The following RALYL variants were observed in gnomAD, a reference collection of about 807,000 sequenced individuals.
RALYL encodes the protein RALY RNA binding protein like, also known as RNA-binding Raly-like protein.
RALYL carries 29 observed loss-of-function variants against 35.1 expected under a neutral mutation model. The ratio of observed to expected loss-of-function variants is 0.83; its 90% CI spans 0.61 to 1.13. The LOEUF (loss-of-function observed/expected upper bound fraction) is 1.13. Ranked by LOEUF, RALYL falls within the 50% of genes most tolerant of loss-of-function variation. The probability of loss-of-function intolerance (pLI) is 0.00; values close to 1 mark genes in which losing one functional copy is unlikely to be tolerated. For synonymous variants in RALYL, 120 were observed against 127.6 expected (o/e 0.94, Z 0.40); for missense variants, 359 against 360.4 (o/e 1.00, Z 0.03).
chr8:84,827,007 G>C (rs892811289), intron 4 of RALYL, among the ~76,000 whole-genome samples: 1 of 151,928 alleles, frequency 6.6e-6, no homozygotes, highest in Non-Finnish European at 1.5e-5. Flanking sequence ...ATAGGAAAAT[G>C]TATCTACATT....
chr8:84,504,935 C>A (rs1164766749), intron 1 of RALYL, among the ~76,000 whole-genome samples: 4 of 152,106 alleles, frequency 2.6e-5, no homozygotes, highest in Non-Finnish European at 4.4e-5. Context: ...GCTACGCCCG[C>A]ACCCCTATTT....
intron 2 of RALYL, among the ~76,000 whole-genome samples, chr8:84,609,178 G>A (rs1817779887): frequency 6.6e-6 from 1 of 152,166 alleles, no homozygotes; most frequent in Non-Finnish European, 1.5e-5. Context: ...ACACAATCTT[G>A]AGGTTCTATA....
At chr8:84,660,717 T>C (rs916396818) in intron 2 of RALYL, among the ~76,000 whole-genome samples, 1 of 151,978 alleles carries the variant, frequency 6.6e-6, no homozygotes, top group African/African-American at 2.4e-5. Flanking sequence ...CACTTTGATA[T>C]TGTTATCAAA....
chr8:84,387,958 A>G (rs1586777242), intron 1 of RALYL, among the ~76,000 whole-genome samples: 2 of 151,944 alleles, frequency 1.3e-5, no homozygotes, highest in South Asian at 4.2e-4. Context: ...CTCGTCATCT[A>G]GCATTAGGTA....
At chr8:84,415,051 G>A (rs1049147011) in intron 1 of RALYL, among the ~76,000 whole-genome samples, 5 of 151,930 alleles carry the variant, frequency 3.3e-5, no homozygotes, top group Admixed American at 3.3e-4. Flanking sequence ...ACCTACTCAT[G>A]CATTTAGTCT....
intron 4 of RALYL, among the ~76,000 whole-genome samples, chr8:84,812,670 T>A (rs1442323026): frequency 6.6e-6 from 1 of 152,046 alleles, no homozygotes; most frequent in Non-Finnish European, 1.5e-5. Flanking sequence ...CTCTTCTGCA[T>A]CATGAAGGTT....
At chr8:84,887,295 T>C (rs553069886) in intron 7 of RALYL, among the ~76,000 whole-genome samples, 1 of 152,258 alleles carries the variant, frequency 6.6e-6, no homozygotes, top group South Asian at 2.1e-4. Flanking sequence ...GCACTATATA[T>C]AAAATAAAGT....
At chr8:84,845,427 T>G (rs1834434152) in intron 4 of RALYL, among the ~76,000 whole-genome samples, 1 of 152,220 alleles carries the variant, frequency 6.6e-6, no homozygotes, top group African/African-American at 2.4e-5. Flanking sequence ...TAATGATTAG[T>G]GACGATGACC....
chr8:84,543,788 G>A (rs1374023778), intron 2 of RALYL, among the ~76,000 whole-genome samples: 1 of 152,012 alleles, frequency 6.6e-6, no homozygotes, highest in Non-Finnish European at 1.5e-5. Context: ...CCTGCCCCAT[G>A]TTGGGAATCA....
chr8:84,817,311 C>T (rs180734175), intron 4 of RALYL, among the ~76,000 whole-genome samples: 1 of 152,176 alleles, frequency 6.6e-6, no homozygotes, highest in Admixed American at 6.5e-5. Flanking sequence ...GTTAAAGACT[C>T]ACACTATTTT....
chr8:84,618,222 C>T (rs1820328277), intron 2 of RALYL, among the ~76,000 whole-genome samples: 2 of 151,768 alleles, frequency 1.3e-5, no homozygotes, highest in Non-Finnish European at 2.9e-5. Flanking sequence ...CCATTTGGTC[C>T]TGGACTCTTT....
intron 4 of RALYL, among the ~76,000 whole-genome samples, chr8:84,844,372 T>C (rs1834125949): frequency 6.6e-6 from 1 of 152,150 alleles, no homozygotes; most frequent in African/African-American, 2.4e-5. Context: ...GAAAAAATGC[T>C]CACCATCACT....
chr8:84,464,450 G>A (rs1307794378), intron 1 of RALYL, among the ~76,000 whole-genome samples: 4 of 151,036 alleles, frequency 2.6e-5, no homozygotes, highest in African/African-American at 9.7e-5. Context: ...TTTCATCCAT[G>A]TCCCTACAAA....
At chr8:84,886,475 A>AT (rs1380469469) in intron 7 of RALYL, among the ~76,000 whole-genome samples, 2 of 152,160 alleles carry the variant, frequency 1.3e-5, no homozygotes, top group African/African-American at 4.8e-5. Context: ...AATAAATAAG[A>AT]TAAAAAATTA....
At chr8:84,466,648 C>T (rs899333660) in intron 1 of RALYL, among the ~76,000 whole-genome samples, 5 of 150,992 alleles carry the variant, frequency 3.3e-5, no homozygotes, top group African/African-American at 1.2e-4. Flanking sequence ...CAGAATGATG[C>T]TGGCCTCATA....
chr8:84,695,297 C>A (rs1193678959), intron 2 of RALYL, among the ~76,000 whole-genome samples: 1 of 151,688 alleles, frequency 6.6e-6, no homozygotes, highest in East Asian at 1.9e-4. Context: ...TTTATAATAT[C>A]CTCTAAGACA....
chr8:84,655,455 A>G (rs768717031), intron 2 of RALYL, among the ~76,000 whole-genome samples: 5 of 151,934 alleles, frequency 3.3e-5, no homozygotes, highest in Non-Finnish European at 5.9e-5. Context: ...CAGCCTCCCA[A>G]GTAATTGAGA....
chr8:84,918,101 G>T (rs1054064033), intron 8 of RALYL, among the ~76,000 whole-genome samples: 7 of 151,812 alleles, frequency 4.6e-5, no homozygotes, highest in South Asian at 4.1e-4. Context: ...CACCTTATTT[G>T]CATTTATATA....
Position 84,366,374 on chromosome 8 carries a change from G to A in RALYL, c.-23-162925G>A, listed in dbSNP as rs904448750. ...CTACCTCTAAAATAACTAATTTGCA[G>A]TTTAGTTAGAAAGATAATATAAGCA... On this transcript the variant is annotated intron_variant, in intron 1 of 8. Transcript: ENST00000521268. Among the ~76,000 whole-genome samples the A allele has an allele frequency of 2.6e-5, 4 of 152,156 alleles. No individual in the cohort carries two copies. In the East Asian group the frequency reaches 7.7e-4, roughly 29 times the overall value.
Sources: allele counts gnomAD v4.1 joint callset (sites outside exome capture counted in the v4.1 genomes callset), GRCh38; gene constraint gnomAD v4.1.1; transcripts MANE v1.5; gene names NCBI Gene and HGNC (gene_info 2026-07-23, HGNC 2026-07-21).